Variants in NEK7 observed in about 807,000 individuals in gnomAD.
NEK7 encodes the protein NIMA related kinase 7.
Under a neutral mutation model 44.6 loss-of-function variants are expected in NEK7, and 18 were observed. The observed-to-expected ratio is 0.40, with a 90% CI of 0.28 to 0.60. The LOEUF (loss-of-function observed/expected upper bound fraction) is 0.60, where lower values mean the gene tolerates loss of function less well. NEK7 is among the 20% of genes least tolerant of loss of function. The pLI is 0.38. For synonymous variants in NEK7, 130 were observed against 121.1 expected, an observed-to-expected ratio of 1.07 and a Z score of -0.48; for missense variants, 256 against 366.5, an observed-to-expected ratio of 0.70 and a Z score of 2.46.
chr1:198,219,992 A>G (rs1448757709), intron 1 of NEK7, among the ~76,000 whole-genome samples: 18 of 151,538 alleles, frequency 1.2e-4, no homozygotes, highest in Admixed American at 1.2e-3. Context: ...CTAATCATCC[A>G]TTGATGATTC....
intron 7 of NEK7, among the ~76,000 whole-genome samples, chr1:198,286,066 C>A (rs1311445925): frequency 1.3e-5 from 2 of 152,066 alleles, no homozygotes; most frequent in South Asian, 2.1e-4. Flanking sequence ...CTGCAGTTAT[C>A]CCTGCTGGAC....
intron 1 of NEK7, among the ~76,000 whole-genome samples, chr1:198,191,494 G>A (rs1186586407): frequency 2.6e-5 from 4 of 151,622 alleles, no homozygotes; most frequent in Middle Eastern, 3.2e-3. Flanking sequence ...TGACTTTCGC[G>A]TATTGATTTT....
intron 1 of NEK7, among the ~76,000 whole-genome samples, chr1:198,168,534 T>A (rs953062842): frequency 6.6e-6 from 1 of 152,176 alleles, no homozygotes; most frequent in Non-Finnish European, 1.5e-5. Flanking sequence ...CTGCACAGAC[T>A]TGGTGTAAAG....
chr1:198,191,809 TTCTG>T (rs1215194202), intron 1 of NEK7, among the ~76,000 whole-genome samples: 1 of 152,116 alleles, frequency 6.6e-6, no homozygotes, highest in Non-Finnish European at 1.5e-5. Context: ...AATCCTTTGT[TTCTG>T]TGTGTGTACG....
At position 198,319,517 on chromosome 1, in the gene NEK7, A is replaced by T; in HGVS notation, c.904A>T (p.Ser302Cys). The part of the protein sequence containing the change: ...AKRMHACTAS[S>C] ...GAGGATGCATGCATGCACTGCAAGC[A>T]GCTAAACATGCAAGATCATGAAGAG... Residue 302 changes from serine (S) to cysteine (C), a missense_variant, in exon 10 of 10, where the codon AGC (serine) becomes TGC (cysteine). Around this residue, in one of 3 missense-constraint regions of NEK7, gnomAD observed 58 missense variants for 66.5 expected, o/e 0.87. Coordinates refer to ENST00000367385, the MANE Select transcript of NEK7 (RefSeq NM_133494.3). 1 of 1,608,110 alleles carries T rather than the reference A, an allele frequency of 6.2e-7. No homozygotes were observed. Among genetic ancestry groups the T allele is most frequent in the Non-Finnish European group, 8.5e-7 (1 of 1,176,926 alleles).
intron 2 of NEK7, among the ~76,000 whole-genome samples, chr1:198,237,910 C>A (rs1666581051): frequency 6.6e-6 from 1 of 152,130 alleles, no homozygotes; most frequent in Non-Finnish European, 1.5e-5. Context: ...CACCTTATCA[C>A]TTATTTTGTT....
intron 1 of NEK7, among the ~76,000 whole-genome samples, chr1:198,159,271 C>G (rs935845987): frequency 9.9e-5 from 15 of 151,772 alleles, no homozygotes; most frequent in Non-Finnish European, 1.5e-5. Context: ...GGAAGGGGCG[C>G]CAGGCTGAGG....
intron 9 of NEK7, among the ~76,000 whole-genome samples, chr1:198,308,733 C>T (rs1655086653): frequency 6.6e-6 from 1 of 152,294 alleles, no homozygotes; most frequent in Non-Finnish European, 1.5e-5. Context: ...CTTATCATTT[C>T]ATCCCTGTTG....
At chr1:198,300,194 A>G (rs1020549689) in intron 9 of NEK7, among the ~76,000 whole-genome samples, 1 of 152,208 alleles carries the variant, frequency 6.6e-6, no homozygotes, top group African/African-American at 2.4e-5. Flanking sequence ...AAAGATAGAT[A>G]TCTTTCCTTA....
intron 2 of NEK7, among the ~76,000 whole-genome samples, chr1:198,243,712 G>T (rs1666750890): frequency 6.6e-6 from 1 of 152,080 alleles, no homozygotes; most frequent in South Asian, 2.1e-4. Context: ...TTCCTCCTTT[G>T]ATAAAAGGCC....
Position 198,170,332 on chromosome 1 carries a change from G to A in NEK7, c.-29+13056G>A, listed in dbSNP as rs541213765. On this transcript the variant is annotated intron_variant, in intron 1 of 9. Coordinates refer to ENST00000367385, the MANE Select transcript of NEK7 (RefSeq NM_133494.3). Reference sequence around the variant, plus strand: ...AGACAGAGACTAGTTTGGCAATTAAGTCTAAGTTAGAGGCTCGAGCAACAG... The same window carrying A: ...AGACAGAGACTAGTTTGGCAATTAAATCTAAGTTAGAGGCTCGAGCAACAG... Among the ~76,000 whole-genome samples, 117 of 152,286 alleles carry A rather than the reference G, an allele frequency of 7.7e-4. 1 individual carries two copies. Among genetic ancestry groups the A allele is most frequent in the Middle Eastern group, 6.8e-3 (2 of 294 alleles).
At chr1:198,262,062 G>C (rs1320794519) in intron 3 of NEK7, among the ~76,000 whole-genome samples, 1 of 151,802 alleles carries the variant, frequency 6.6e-6, no homozygotes, top group Non-Finnish European at 1.5e-5. Flanking sequence ...GACATGATTT[G>C]ATGGAACAGA....
At chr1:198,239,020 T>C (rs186248174) in intron 2 of NEK7, among the ~76,000 whole-genome samples, 146 of 152,312 alleles carry the variant, frequency 9.6e-4, no homozygotes, top group African/African-American at 3.4e-3. Flanking sequence ...TAAGTAGCTG[T>C]TGAATCTGCG....
At chr1:198,258,411 C>G (rs1372987409) in intron 3 of NEK7, among the ~76,000 whole-genome samples, 1 of 152,128 alleles carries the variant, frequency 6.6e-6, no homozygotes, top group Non-Finnish European at 1.5e-5. Context: ...TGCACTCCAG[C>G]CTGGAGACAA....
chr1:198,313,904 A>T (rs1271119678), intron 9 of NEK7, among the ~76,000 whole-genome samples: 3 of 151,924 alleles, frequency 2.0e-5, no homozygotes, highest in Non-Finnish European at 4.4e-5. Flanking sequence ...GGTGACAATT[A>T]TGTGTCTTGG....
chr1:198,180,763 CAA>C (rs1316220914), intron 1 of NEK7, among the ~76,000 whole-genome samples: 1 of 152,024 alleles, frequency 6.6e-6, no homozygotes, highest in Non-Finnish European at 1.5e-5. Flanking sequence ...TTTGAGAAAA[CAA>C]ATTCACAGCC....
intron 1 of NEK7, among the ~76,000 whole-genome samples, chr1:198,182,588 A>G (rs1571508000): frequency 6.6e-6 from 1 of 152,326 alleles, no homozygotes; most frequent in East Asian, 1.9e-4. Context: ...CTGGAAAAAA[A>G]TGCAGGGATT....
At chr1:198,173,681 TTCTGA>T (rs1394957363) in intron 1 of NEK7, among the ~76,000 whole-genome samples, 9 of 145,440 alleles carry the variant, frequency 6.2e-5, no homozygotes, top group Non-Finnish European at 9.0e-5. Context: ...AGATTCAGGT[TTCTGA>T]AAACAAAATT....
chr1:198,275,847 A>G (rs1654002435), intron 5 of NEK7, among the ~76,000 whole-genome samples: 1 of 151,572 alleles, frequency 6.6e-6, no homozygotes, highest in Non-Finnish European at 1.5e-5. Flanking sequence ...AAAAACAAAA[A>G]AAAACAAACC....
Sources: allele counts gnomAD v4.1 joint callset (sites outside exome capture counted in the v4.1 genomes callset), GRCh38; gene constraint gnomAD v4.1.1; regional missense constraint gnomAD v4.1.1; transcripts MANE v1.5; gene names NCBI Gene and HGNC (gene_info 2026-07-23, HGNC 2026-07-21).